The following WWOX variants were observed in gnomAD, a reference collection of about 807,000 sequenced individuals.
WWOX encodes WW domain-containing oxidoreductase.
In WWOX, 69 loss-of-function variants were observed where a neutral mutation model predicts 46.2. That is an observed-to-expected ratio of 1.49 (90% CI 1.23 to 1.82). WWOX has a LOEUF of 1.82. Among genes scored for constraint, WWOX ranks in the 40% most tolerant of loss-of-function variants. The pLI, the probability that WWOX is intolerant of heterozygous loss-of-function variation, is 0.00. For synonymous variants in WWOX, 359 were observed against 202.6 expected, an observed-to-expected ratio of 1.77 and a Z score of -6.56; for missense variants, 919 against 542.6, an observed-to-expected ratio of 1.69 and a Z score of -6.89.
rs564357754 is a variant in WWOX, at chr16:78,751,788, AAGAG to A, written c.1056+319046_1056+319049del. 1.6e-3 allele frequency among the ~76,000 whole-genome samples: 238 copies of A among 151,292 alleles called. 1 individual carries two copies. Among genetic ancestry groups the A allele is most frequent in the African/African-American group, 5.4e-3 (223 of 41,336 alleles). ...AAGGGAAGAAGGAGGGAGGGAGGGAAAGAGAGAGAGAGAAAAGGAAGAGAAAGGA... is the reference window on the plus strand; with the variant it reads ...AAGGGAAGAAGGAGGGAGGGAGGGAAAGAGAGAGAAAAGGAAGAGAAAGGA... On this transcript the variant is annotated intron_variant, in intron 8 of 8. Coordinates refer to ENST00000566780, the MANE Select transcript of WWOX (RefSeq NM_016373.4).
chr16:78,114,547 T>C (rs955029944), intron 3 of WWOX, among the ~76,000 whole-genome samples: 1 of 152,224 alleles, frequency 6.6e-6, no homozygotes. Flanking sequence ...ACTAAGACTT[T>C]ATCATTTTGA....
chr16:78,152,521 A>G (rs376128756), intron 4 of WWOX, among the ~76,000 whole-genome samples: 4 of 152,126 alleles, frequency 2.6e-5, no homozygotes, highest in South Asian at 2.1e-4. Flanking sequence ...TCATTAATCT[A>G]TGAAGTTGCC....
In WWOX at chr16:79,200,639, T is replaced by G. The variant is rs565387740; in HGVS notation, c.1057-10969T>G. On this transcript the variant is annotated intron_variant, in intron 8 of 8. Coordinates refer to ENST00000566780, the MANE Select transcript of WWOX (RefSeq NM_016373.4). The stretch of plus-strand genomic sequence containing the variant: ...AGTCATCACCACCGTCGTCGTCTTT[T>G]TTTTTGGCCATTACAGTTGGGATTA... 6.9e-4 allele frequency among the ~76,000 whole-genome samples: 105 copies of G among 152,302 alleles called. 1 individual carries two copies. The highest frequency in any genetic ancestry group is 2.5e-3 in the African/African-American group (105 of 41,566).
intron 8 of WWOX, among the ~76,000 whole-genome samples, chr16:79,202,286 G>A (rs2051370168): frequency 6.6e-6 from 1 of 152,128 alleles, no homozygotes; most frequent in Admixed American, 6.6e-5. Flanking sequence ...TGTCACTTTT[G>A]TCATTGGCCT....
chr16:78,447,628 C>T (rs1330345027), intron 8 of WWOX, among the ~76,000 whole-genome samples: 1 of 152,038 alleles, frequency 6.6e-6, no homozygotes, highest in Non-Finnish European at 1.5e-5. Flanking sequence ...TAGTCGGAGG[C>T]GGAAGGAAAT....
intron 8 of WWOX, among the ~76,000 whole-genome samples, chr16:78,700,212 G>T: frequency 6.6e-6 from 1 of 151,258 alleles, no homozygotes; most frequent in Non-Finnish European, 1.5e-5. Flanking sequence ...TCTGGAGGCT[G>T]GAAGTCAGAT....
intron 5 of WWOX, among the ~76,000 whole-genome samples, chr16:78,272,931 G>T (rs1197381800): frequency 1.3e-5 from 2 of 152,158 alleles, no homozygotes; most frequent in African/African-American, 4.8e-5. Flanking sequence ...AGGTTTAGGA[G>T]TGCTTGTCAT....
At chr16:78,144,473 A>ATATATATATGTG (rs2034117545) in intron 4 of WWOX, among the ~76,000 whole-genome samples, 2 of 37,596 alleles carry the variant, frequency 5.3e-5, no homozygotes, top group Non-Finnish European at 9.2e-5. Flanking sequence ...ACACACATAT[A>ATATATATATGTG]TATATATATA....
chr16:79,048,269 C>T (rs1360671840), intron 8 of WWOX, among the ~76,000 whole-genome samples: 1 of 152,022 alleles, frequency 6.6e-6, no homozygotes, highest in Non-Finnish European at 1.5e-5. Flanking sequence ...GAAAAGTGAT[C>T]CTGAACCTCT....
At chr16:78,614,624 A>G (rs558973482) in intron 8 of WWOX, among the ~76,000 whole-genome samples, 2 of 152,310 alleles carry the variant, frequency 1.3e-5, no homozygotes, top group African/African-American at 4.8e-5. Flanking sequence ...ACATAGGTGT[A>G]TGGCAGATGA....
intron 8 of WWOX, among the ~76,000 whole-genome samples, chr16:78,562,106 TAG>T (rs1369221623): frequency 1.3e-5 from 2 of 152,184 alleles, no homozygotes; most frequent in Admixed American, 6.5e-5. Context: ...TTTTCTCAGA[TAG>T]AGTTATCCAA....
At chr16:78,904,258 T>A (rs972699647) in intron 8 of WWOX, among the ~76,000 whole-genome samples, 25 of 117,514 alleles carry the variant, frequency 2.1e-4, no homozygotes, top group Non-Finnish European at 4.5e-4. Context: ...TTTTTTTTTT[T>A]AGTCGGAGTC....
chr16:78,563,300 T>C (rs1046248281), intron 8 of WWOX, among the ~76,000 whole-genome samples: 8 of 152,190 alleles, frequency 5.3e-5, no homozygotes, highest in Middle Eastern at 3.2e-3. Flanking sequence ...TCTGCAACTT[T>C]CCTTTTATTT....
At chr16:78,977,535 C>T (rs1200343129) in intron 8 of WWOX, among the ~76,000 whole-genome samples, 1 of 152,120 alleles carries the variant, frequency 6.6e-6, no homozygotes, top group African/African-American at 2.4e-5. Flanking sequence ...CTGCATGTGT[C>T]CTTGTCTGGG....
intron 4 of WWOX, among the ~76,000 whole-genome samples, chr16:78,118,381 C>T (rs897589596): frequency 5.3e-5 from 8 of 151,968 alleles, no homozygotes; most frequent in Admixed American, 5.2e-4. Context: ...TCATGAAGTC[C>T]TAGGTTTTAT....
At chr16:78,900,612 G>A (rs2044807000) in intron 8 of WWOX, among the ~76,000 whole-genome samples, 1 of 152,138 alleles carries the variant, frequency 6.6e-6, no homozygotes, top group Non-Finnish European at 1.5e-5. Flanking sequence ...GTCATAATCA[G>A]ATAGATTTTC....
intron 8 of WWOX, among the ~76,000 whole-genome samples, chr16:79,089,881 A>G (rs1199269522): frequency 2.0e-5 from 3 of 150,102 alleles, no homozygotes; most frequent in African/African-American, 7.3e-5. Flanking sequence ...GGGGCGGTTC[A>G]AGGGGGGCTT....
intron 8 of WWOX, among the ~76,000 whole-genome samples, chr16:79,045,064 C>G (rs879470615): frequency 4.6e-5 from 7 of 152,202 alleles, no homozygotes; most frequent in Admixed American, 4.6e-4. Flanking sequence ...CAGCTCTGCT[C>G]CTGTCAATCT....
intron 8 of WWOX, among the ~76,000 whole-genome samples, chr16:79,147,608 C>T (rs1473162294): frequency 6.6e-6 from 1 of 152,114 alleles, no homozygotes; most frequent in Non-Finnish European, 1.5e-5. Flanking sequence ...GGGATAAATG[C>T]CCATGAATGC....
Sources: allele counts gnomAD v4.1 joint callset (sites outside exome capture counted in the v4.1 genomes callset), GRCh38; gene constraint gnomAD v4.1.1; transcripts MANE v1.5; gene names NCBI Gene and HGNC (gene_info 2026-07-23, HGNC 2026-07-21).